Variants in WDFY4 observed in about 807,000 individuals in gnomAD.
WDFY4 encodes the protein WD repeat- and FYVE domain-containing protein 4.
A neutral mutation model predicts 351.9 loss-of-function variants in WDFY4; 169 were observed. The ratio of observed to expected loss-of-function variants is 0.48; its 90% CI spans 0.42 to 0.55. The LOEUF (loss-of-function observed/expected upper bound fraction) is 0.55. Ranked by LOEUF, WDFY4 falls within the 20% of genes least tolerant of loss-of-function variation. The pLI is 0.00. For synonymous variants in WDFY4, 1,622 were observed against 1,574.6 expected (o/e 1.03, Z -0.71); for missense variants, 3,803 against 3,935.6 (o/e 0.97, Z 0.90).
At chr10:48,823,365 C>T (rs2067893374) in intron 35 of WDFY4, 1 of 1,261,456 alleles carries the variant, frequency 7.9e-7, no homozygotes, top group East Asian at 5.6e-5. Context: ...CTCCTGCCAG[C>T]AGTCCTGGTT....
intron 45 of WDFY4, among the ~76,000 whole-genome samples, chr10:48,898,926 G>A (rs994663704): frequency 1.3e-5 from 2 of 151,044 alleles, no homozygotes; most frequent in South Asian, 2.1e-4. Flanking sequence ...TTCAGTGAGC[G>A]GGAGGCCGTG....
At chr10:48,774,974 C>T (rs1381932263) in intron 14 of WDFY4, among the ~76,000 whole-genome samples, 1 of 152,088 alleles carries the variant, frequency 6.6e-6, no homozygotes. Flanking sequence ...GGGAACTGGG[C>T]CTGGAAGGCT....
chr10:48,766,207 C>G (rs924071050), intron 13 of WDFY4, among the ~76,000 whole-genome samples: 20 of 152,170 alleles, frequency 1.3e-4, no homozygotes, highest in African/African-American at 4.6e-4. Flanking sequence ...TCCCACTGAG[C>G]CCCTTACACA....
intron 39 of WDFY4, among the ~76,000 whole-genome samples, chr10:48,844,004 C>T (rs746954179): frequency 6.6e-6 from 1 of 152,226 alleles, no homozygotes; most frequent in Non-Finnish European, 1.5e-5. Context: ...TCTGGGCCCT[C>T]CTGAGGCACT....
intron 47 of WDFY4, among the ~76,000 whole-genome samples, chr10:48,929,456 C>A (rs115578767): frequency 6.6e-6 from 1 of 152,176 alleles, no homozygotes; most frequent in Non-Finnish European, 1.5e-5. Flanking sequence ...GGAAATAGCC[C>A]AGCATGGGAG....
At chr10:48,891,055 G>A (rs1229482698) in intron 44 of WDFY4, among the ~76,000 whole-genome samples, 3 of 152,184 alleles carry the variant, frequency 2.0e-5, no homozygotes, top group Non-Finnish European at 4.4e-5. Context: ...CATGTTAGTT[G>A]CTCATTCTGC....
intron 24 of WDFY4, among the ~76,000 whole-genome samples, chr10:48,800,403 G>A (rs1448043270): frequency 2.0e-5 from 3 of 152,138 alleles, no homozygotes; most frequent in Non-Finnish European, 2.9e-5. Flanking sequence ...GAGGAAGGGA[G>A]AGACAGGAAG....
chr10:48,890,811 T>G (rs2070664854), intron 44 of WDFY4, 84 bp downstream of exon 44: 1 of 1,518,976 alleles, frequency 6.6e-7, no homozygotes, highest in Non-Finnish European at 8.9e-7. Flanking sequence ...CCTTCTCACC[T>G]TGTTCTTACA....
At chr10:48,947,803 G>A (rs1045311773) in intron 51 of WDFY4, among the ~76,000 whole-genome samples, 1 of 152,146 alleles carries the variant, frequency 6.6e-6, no homozygotes, top group African/African-American at 2.4e-5. Context: ...CAGCTGGCTC[G>A]GCTGACTCTA....
chr10:48,857,853 T>C (rs2069191663), intron 39 of WDFY4, among the ~76,000 whole-genome samples: 1 of 152,102 alleles, frequency 6.6e-6, no homozygotes, highest in Non-Finnish European at 1.5e-5. Flanking sequence ...AGTGCAACGG[T>C]GCAGTCTCGG....
chr10:48,925,589 G>A (rs1431021543), intron 47 of WDFY4, among the ~76,000 whole-genome samples: 3 of 152,272 alleles, frequency 2.0e-5, no homozygotes, highest in African/African-American at 4.8e-5. Context: ...GCCCCAATGT[G>A]AGCACTGCTT....
chr10:48,844,002 CT>C (rs1253747042), intron 39 of WDFY4, among the ~76,000 whole-genome samples: 1 of 152,236 alleles, frequency 6.6e-6, no homozygotes, highest in African/African-American at 2.4e-5. Flanking sequence ...AGTCTGGGCC[CT>C]CCTGAGGCAC....
At chr10:48,803,612 G>A (rs1166605527) in intron 25 of WDFY4, among the ~76,000 whole-genome samples, 1 of 152,154 alleles carries the variant, frequency 6.6e-6, no homozygotes, top group African/African-American at 2.4e-5. Context: ...CTCAGCAATT[G>A]TGACCAGCAA....
chr10:48,720,624 GCA>G (rs1023411900), intron 3 of WDFY4, among the ~76,000 whole-genome samples: 10 of 151,486 alleles, frequency 6.6e-5, no homozygotes, highest in African/African-American at 2.4e-4. Flanking sequence ...ATACACATAG[GCA>G]CACACACACA....
chr10:48,728,234 C>G (rs995941589), intron 7 of WDFY4, among the ~76,000 whole-genome samples: 3 of 152,224 alleles, frequency 2.0e-5, no homozygotes, highest in Admixed American at 2.0e-4. Context: ...GATCAACTCC[C>G]AAGTGAACTA....
intron 1 of WDFY4, among the ~76,000 whole-genome samples, chr10:48,704,710 G>A (rs1051317395): frequency 6.6e-6 from 1 of 152,228 alleles, no homozygotes; most frequent in African/African-American, 2.4e-5. Context: ...CAAAGCCTGG[G>A]CTGTCCACAG....
intron 24 of WDFY4, among the ~76,000 whole-genome samples, chr10:48,799,249 A>G (rs528278132): frequency 2.3e-4 from 35 of 152,336 alleles, no homozygotes; most frequent in Admixed American, 1.0e-3. Flanking sequence ...ATAAACCACC[A>G]ATAAGAACCA....
intron 1 of WDFY4, among the ~76,000 whole-genome samples, chr10:48,703,397 T>C (rs539663422): frequency 1.3e-5 from 2 of 152,306 alleles, no homozygotes; most frequent in South Asian, 4.1e-4. Flanking sequence ...CCATGGCCCA[T>C]TATGGAGATG....
chr10:48,766,194 C>T (rs1000325295), intron 13 of WDFY4, among the ~76,000 whole-genome samples: 5 of 152,226 alleles, frequency 3.3e-5, no homozygotes, highest in Non-Finnish European at 7.3e-5. Flanking sequence ...TTCCTATGCT[C>T]TTTCCCACTG....
Sources: gnomAD v4.1 joint callset for allele counts (sites outside exome capture counted in the v4.1 genomes callset) on GRCh38, gnomAD v4.1.1 for gene constraint, MANE v1.5 for transcripts, NCBI Gene and HGNC (gene_info 2026-07-23, HGNC 2026-07-21) for gene names.